The following EFR3A variants were observed in gnomAD, a reference collection of about 807,000 sequenced individuals.
EFR3A encodes the protein protein EFR3 homolog A.
Under a neutral mutation model 104.4 loss-of-function variants are expected in EFR3A, and 76 were observed. The observed-to-expected ratio is 0.73, with a 90% CI of 0.60 to 0.88. The LOEUF (loss-of-function observed/expected upper bound fraction) is 0.88, where lower values mean the gene tolerates loss of function less well. Ranked by LOEUF, EFR3A falls within the 40% of genes least tolerant of loss-of-function variation. The probability of loss-of-function intolerance (pLI) is 0.00; values close to 1 mark genes in which losing one functional copy is unlikely to be tolerated. For synonymous variants in EFR3A, 330 were observed against 330.0 expected (o/e 1.00, Z 0.00); for missense variants, 985 against 1,012.5 (o/e 0.97, Z 0.37).
intron 8 of EFR3A, among the ~76,000 whole-genome samples, chr8:131,967,653 T>G (rs532537829): frequency 1.3e-5 from 2 of 152,200 alleles, no homozygotes; most frequent in South Asian, 2.1e-4. Context: ...GGCCCCAATA[T>G]CATTCACTAT....
At chr8:131,989,471 G>A (rs550700348) in intron 18 of EFR3A, among the ~76,000 whole-genome samples, 1 of 152,146 alleles carries the variant, frequency 6.6e-6, no homozygotes, top group Non-Finnish European at 1.5e-5. Flanking sequence ...GGTTTGGTGA[G>A]GAAGATAGCA....
chr8:131,934,272 T>C (rs1349241052), intron 1 of EFR3A, among the ~76,000 whole-genome samples: 1 of 152,170 alleles, frequency 6.6e-6, no homozygotes, highest in Non-Finnish European at 1.5e-5. Flanking sequence ...GCTTGCGTTG[T>C]TCCATTTGAT....
intron 8 of EFR3A, 27 bp from the exon 9 acceptor site, chr8:131,968,268 A>G (rs1819864441): frequency 1.3e-6 from 2 of 1,598,928 alleles, no homozygotes; most frequent in Non-Finnish European, 1.7e-6. Context: ...CTTTTTATAC[A>G]TCTTTGTACT....
chr8:131,925,450 A>G (rs984694973), intron 1 of EFR3A, among the ~76,000 whole-genome samples: 1 of 152,114 alleles, frequency 6.6e-6, no homozygotes, highest in Non-Finnish European at 1.5e-5. Flanking sequence ...CAGGTAATGC[A>G]TTGCACTCCA....
At chr8:131,994,836 A>G (rs1373040004) in intron 18 of EFR3A, among the ~76,000 whole-genome samples, 1 of 152,136 alleles carries the variant, frequency 6.6e-6, no homozygotes, top group East Asian at 1.9e-4. Context: ...GCTCAGTCAC[A>G]CAAGTATTTA....
chr8:131,933,085 A>G (rs1047192437), intron 1 of EFR3A, among the ~76,000 whole-genome samples: 7 of 152,184 alleles, frequency 4.6e-5, no homozygotes, highest in Admixed American at 1.3e-4. Flanking sequence ...AACAATGAAA[A>G]TGTTCTTTTT....
At chr8:131,940,266 C>T (rs1818098877) in intron 1 of EFR3A, 2 of 475,462 alleles carry the variant, frequency 4.2e-6, no homozygotes, top group South Asian at 3.1e-5. Context: ...ATGAATTTGG[C>T]GGGATGTGTA....
intron 13 of EFR3A, 21 bp from the exon 14 acceptor site, chr8:131,979,325 T>C: frequency 6.7e-7 from 1 of 1,488,236 alleles, no homozygotes; most frequent in Non-Finnish European, 9.1e-7. Flanking sequence ...TCATTAAAAA[T>C]GATATATTGA....
chr8:132,008,220 A>G (rs79038102), intron 22 of EFR3A, among the ~76,000 whole-genome samples: 6,292 of 152,172 alleles, frequency 0.041, 314 homozygotes, highest in East Asian at 0.12. Flanking sequence ...CTGAAAAATA[A>G]AAAGACAATT....
At chr8:131,933,508 T>C (rs892073829) in intron 1 of EFR3A, among the ~76,000 whole-genome samples, 3 of 152,150 alleles carry the variant, frequency 2.0e-5, no homozygotes, top group African/African-American at 7.2e-5. Context: ...TTTTTTCAAA[T>C]GATGATTCTA....
chr8:131,995,308 G>T (rs959242601), intron 18 of EFR3A, among the ~76,000 whole-genome samples: 24 of 151,804 alleles, frequency 1.6e-4, no homozygotes, highest in African/African-American at 4.8e-4. Context: ...TCCTTTTTTC[G>T]ACTGTAATCA....
At chr8:131,942,985 A>G (rs1818237628) in intron 2 of EFR3A, among the ~76,000 whole-genome samples, 1 of 152,124 alleles carries the variant, frequency 6.6e-6, no homozygotes, top group Admixed American at 6.6e-5. Flanking sequence ...TGCAAAGGAC[A>G]TGGGAAATCT....
In EFR3A at chr8:132,002,625, G is replaced by C; in HGVS notation, c.2229G>C (p.Gln743His). The C allele has an allele frequency of 6.2e-7, 1 of 1,613,592 alleles. No homozygotes were observed. Among genetic ancestry groups the C allele is most frequent in the Non-Finnish European group, 8.5e-7 (1 of 1,179,632 alleles). Residue 743 changes from glutamine (Q) to histidine (H), a missense_variant, in exon 21 of 23, where the codon CAG becomes CAC. Coordinates refer to ENST00000254624, the MANE Select transcript of EFR3A (RefSeq NM_015137.6). ...TAGATACCAGTGGAATGGAAGAACAGGAAAAGGAAAAGAGGCGTCTTGTGA... is the reference window on the plus strand; with the variant it reads ...TAGATACCAGTGGAATGGAAGAACACGAAAAGGAAAAGAGGCGTCTTGTGA... Reference protein sequence around the residue: ...KAIDTSGMEEQEKEKRRLVIE... With the variant: ...KAIDTSGMEEHEKEKRRLVIE...
chr8:131,909,990 C>G (rs1386632808), intron 1 of EFR3A, among the ~76,000 whole-genome samples: 1 of 152,186 alleles, frequency 6.6e-6, no homozygotes, highest in Non-Finnish European at 1.5e-5. Context: ...TGCAGAGGTC[C>G]AAGTAGCTTG....
chr8:132,000,189 C>T (rs572357046), intron 19 of EFR3A, among the ~76,000 whole-genome samples: 26 of 152,194 alleles, frequency 1.7e-4, no homozygotes, highest in South Asian at 4.2e-4. Flanking sequence ...AGTGCAGTGG[C>T]GCGATTTCGG....
In EFR3A at chr8:132,011,301, T is replaced by C. The variant is rs1233553266; in HGVS notation, c.*406T>C. The C allele has an allele frequency of 1.3e-5, 13 of 988,334 alleles. No individual in the cohort carries two copies. The highest frequency in any genetic ancestry group is 1.2e-4 in the Admixed American group (2 of 16,816). 61.2% of individuals were successfully genotyped at this position (988,334 alleles called of 1,614,324 possible). A position where few individuals can be genotyped will look rare whatever the true frequency, so the allele number is the denominator to read the frequency against. ...CGCTTAGATGTAGAATTTTTGTTGT[T>C]GTTTTCTGCAAAGGCAGATACATTT... On this transcript the variant is annotated 3_prime_UTR_variant, in exon 23 of 23. Transcript: ENST00000254624.
chr8:131,965,604 C>G (rs1299002602), intron 8 of EFR3A, among the ~76,000 whole-genome samples: 1 of 152,190 alleles, frequency 6.6e-6, no homozygotes, highest in Non-Finnish European at 1.5e-5. Context: ...CACTTTTACA[C>G]TGTTGGTGGG....
In EFR3A at chr8:131,940,561, C is replaced by G; in HGVS notation, c.73C>G (p.Pro25Ala). The G allele has an allele frequency of 6.2e-7, 1 of 1,608,298 alleles. No individual in the cohort carries two copies. Among genetic ancestry groups the G allele is most frequent in the Non-Finnish European group, 8.5e-7 (1 of 1,177,378 alleles). ...CAAACGCCTGGTGGACAACATATTC[C>G]CTGAAGATCCAAAAGTAATTTGATC... The part of the protein sequence containing the change: ...RYKRLVDNIF[P>A]EDPKDGLVKT... The change falls in exon 2 of 23, where the codon CCT becomes GCT. Residue 25 changes from proline (P) to alanine (A), a missense_variant. Coordinates refer to ENST00000254624, the MANE Select transcript of EFR3A (RefSeq NM_015137.6).
chr8:131,906,174 C>A (rs1473962505), intron 1 of EFR3A, among the ~76,000 whole-genome samples: 1 of 152,132 alleles, frequency 6.6e-6, no homozygotes, highest in Non-Finnish European at 1.5e-5. Context: ...CTTTGGCAGT[C>A]ACAGCTGCCG....
Sources: gnomAD v4.1 joint callset for allele counts (sites outside exome capture counted in the v4.1 genomes callset) on GRCh38, gnomAD v4.1.1 for gene constraint, MANE v1.5 for transcripts, NCBI Gene and HGNC (gene_info 2026-07-23, HGNC 2026-07-21) for gene names.